The following GABRB3 variants were observed in gnomAD, a reference collection of about 807,000 sequenced individuals.
GABRB3 encodes gamma-aminobutyric acid receptor subunit beta-3.
Under a neutral mutation model 52.1 loss-of-function variants are expected in GABRB3, and 14 were observed. That is an observed-to-expected ratio of 0.27 (90% CI 0.18 to 0.42). The LOEUF is 0.42. Among genes scored for constraint, GABRB3 ranks in the 10% least tolerant of loss-of-function variants. The probability of loss-of-function intolerance (pLI) is 1.00; values close to 1 mark genes in which losing one functional copy is unlikely to be tolerated. For synonymous variants in GABRB3, 260 were observed against 232.3 expected (o/e 1.12, Z -1.08); for missense variants, 307 against 609.1 (o/e 0.50, Z 5.22).
At chr15:26,623,438 C>T in intron 3 of GABRB3, among the ~76,000 whole-genome samples, 1 of 151,946 alleles carries the variant, frequency 6.6e-6, no homozygotes, top group East Asian at 1.9e-4. Context: ...AGGGCCCCTT[C>T]CAGGGCTGGC....
intron 3 of GABRB3, among the ~76,000 whole-genome samples, chr15:26,626,827 A>G (rs1027159620): frequency 1.3e-5 from 2 of 152,226 alleles, no homozygotes; most frequent in Admixed American, 6.5e-5. Flanking sequence ...GCTGATGGAG[A>G]AGCTGCAGCA....
chr15:26,772,056 C>A, intron 3 of GABRB3: 1 of 257,314 alleles, frequency 3.9e-6, no homozygotes. Context: ...GCGCCTGTTG[C>A]TAAGGAGGCG....
At chr15:26,582,435 A>G (rs1480665174) in intron 5 of GABRB3, among the ~76,000 whole-genome samples, 1 of 152,178 alleles carries the variant, frequency 6.6e-6, no homozygotes, top group Non-Finnish European at 1.5e-5. Flanking sequence ...TCTGTCCTCT[A>G]AGGTAAAAGT....
intron 3 of GABRB3, among the ~76,000 whole-genome samples, chr15:26,747,986 A>AT (rs1890396886): frequency 3.6e-5 from 1 of 27,718 alleles, no homozygotes. Context: ...TTTGCCTACA[A>AT]TTTTTTTCTT....
At chr15:26,583,446 A>G (rs770540442) in intron 4 of GABRB3, 32 bp from the exon 5 acceptor site, 1 of 1,556,034 alleles carries the variant, frequency 6.4e-7, no homozygotes, top group East Asian at 2.2e-5. Context: ...AAGATATTAA[A>G]GAAGGGCTGA....
intron 8 of GABRB3, among the ~76,000 whole-genome samples, chr15:26,560,644 A>G (rs939242319): frequency 6.6e-6 from 1 of 152,096 alleles, no homozygotes; most frequent in African/African-American, 2.4e-5. Context: ...TCAAAAGTCA[A>G]TTTTGTTGGC....
intron 3 of GABRB3, among the ~76,000 whole-genome samples, chr15:26,721,783 G>C (rs955696816): frequency 6.6e-6 from 1 of 151,918 alleles, no homozygotes; most frequent in Non-Finnish European, 1.5e-5. Flanking sequence ...AATCTGATGA[G>C]ACACGGCTGC....
chr15:26,646,031 T>C (rs866881083), intron 3 of GABRB3, among the ~76,000 whole-genome samples: 2 of 152,264 alleles, frequency 1.3e-5, no homozygotes, highest in Non-Finnish European at 1.5e-5. Flanking sequence ...TACCAAATAA[T>C]GGGACCTATT....
At chr15:26,676,822 G>C (rs74568249) in intron 3 of GABRB3, among the ~76,000 whole-genome samples, 1 of 152,026 alleles carries the variant, frequency 6.6e-6, no homozygotes, top group Non-Finnish European at 1.5e-5. Context: ...TAAAATAAAT[G>C]ATTATGATTT....
intron 5 of GABRB3, 29 bp downstream of exon 5, chr15:26,583,303 G>A (rs751895196): frequency 3.2e-6 from 5 of 1,553,774 alleles, no homozygotes; most frequent in Non-Finnish European, 4.4e-6. Context: ...CAAATAGGAG[G>A]AGAAAGAAAC....
At chr15:26,744,906 T>A (rs1890298413) in intron 3 of GABRB3, among the ~76,000 whole-genome samples, 1 of 152,220 alleles carries the variant, frequency 6.6e-6, no homozygotes, top group Non-Finnish European at 1.5e-5. Context: ...TATAAAGAAA[T>A]ACCTAAAACT....
At chr15:26,585,992 T>C (rs1566759883) in intron 4 of GABRB3, among the ~76,000 whole-genome samples, 1 of 150,714 alleles carries the variant, frequency 6.6e-6, no homozygotes. Context: ...TAATTTTCTT[T>C]TTGTTTGTTT....
chr15:26,629,356 G>C (rs959173775), intron 3 of GABRB3, among the ~76,000 whole-genome samples: 2 of 152,228 alleles, frequency 1.3e-5, no homozygotes, highest in African/African-American at 4.8e-5. Flanking sequence ...CCCTGTGCGC[G>C]GCGCTGTGCG....
chr15:26,714,703 G>A (rs1258289299), intron 3 of GABRB3, among the ~76,000 whole-genome samples: 1 of 152,296 alleles, frequency 6.6e-6, no homozygotes, highest in East Asian at 1.9e-4. Flanking sequence ...TAAGAAGTTC[G>A]CAGCTTGACT....
chr15:26,632,903 T>C (rs1251116611), intron 3 of GABRB3, among the ~76,000 whole-genome samples: 1 of 152,246 alleles, frequency 6.6e-6, no homozygotes, highest in East Asian at 1.9e-4. Context: ...GTACTTTCTC[T>C]TGTCTCAAGA....
chr15:26,548,203 G>C, intron 8 of GABRB3, 69 bp from the exon 9 acceptor site: 2 of 1,197,708 alleles, frequency 1.7e-6, no homozygotes, highest in Non-Finnish European at 2.5e-6. Flanking sequence ...ATCCCGGACA[G>C]AATGATGTCA....
chr15:26,740,593 C>A (rs1335592273), intron 3 of GABRB3, among the ~76,000 whole-genome samples: 1 of 152,166 alleles, frequency 6.6e-6, no homozygotes, highest in Non-Finnish European at 1.5e-5. Context: ...GGGACCAGGA[C>A]AACCTCCCTC....
chr15:26,685,680 T>C (rs1566805125), intron 3 of GABRB3, among the ~76,000 whole-genome samples: 3 of 152,080 alleles, frequency 2.0e-5, no homozygotes, highest in Admixed American at 1.3e-4. Context: ...AATAAATTAT[T>C]AAAGAGATCT....
At chr15:26,683,463 A>G (rs1201474900) in intron 3 of GABRB3, among the ~76,000 whole-genome samples, 1 of 152,000 alleles carries the variant, frequency 6.6e-6, no homozygotes, top group Non-Finnish European at 1.5e-5. Flanking sequence ...ACCAGCCCCT[A>G]GTCCAGTTCC....
Sources: allele counts gnomAD v4.1 joint callset (sites outside exome capture counted in the v4.1 genomes callset), GRCh38; gene constraint gnomAD v4.1.1; transcripts MANE v1.5; gene names NCBI Gene and HGNC (gene_info 2026-07-23, HGNC 2026-07-21).